The following SGMS2 variants were observed in gnomAD, a reference collection of about 807,000 sequenced individuals.
SGMS2 encodes phosphatidylcholine:ceramide cholinephosphotransferase 2.
Under a neutral mutation model 43.8 loss-of-function variants are expected in SGMS2, and 21 were observed. The ratio of observed to expected loss-of-function variants is 0.48; its 90% CI spans 0.34 to 0.69. The LOEUF is 0.69. SGMS2 is among the 30% of genes least tolerant of loss of function. The probability of loss-of-function intolerance (pLI) is 0.01; values close to 1 mark genes in which losing one functional copy is unlikely to be tolerated. For synonymous variants in SGMS2, 167 were observed against 160.6 expected (o/e 1.04, Z -0.30); for missense variants, 384 against 443.2 (o/e 0.87, Z 1.20).
At chr4:107,863,452 TGAA>T (rs1157364235) in intron 2 of SGMS2, 2 of 152,162 alleles carry the variant, frequency 1.3e-5, no homozygotes, top group African/African-American at 2.4e-5. Context: ...TGTGAAGGAA[TGAA>T]GAAGAAGAGA....
intron 2 of SGMS2, among the ~76,000 whole-genome samples, chr4:107,860,355 G>A (rs1280211385): frequency 6.6e-6 from 1 of 151,968 alleles, no homozygotes; most frequent in Non-Finnish European, 1.5e-5. Context: ...ACAACATTTG[G>A]GTTGTGGCCA....
chr4:107,898,400 A>G (rs1730848231), intron 3 of SGMS2, among the ~76,000 whole-genome samples: 1 of 152,186 alleles, frequency 6.6e-6, no homozygotes, highest in South Asian at 2.1e-4. Flanking sequence ...GATTCATGTC[A>G]GAACCACAAT....
intron 2 of SGMS2, among the ~76,000 whole-genome samples, chr4:107,864,969 C>A (rs929159411): frequency 6.6e-6 from 1 of 152,140 alleles, no homozygotes; most frequent in Non-Finnish European, 1.5e-5. Context: ...AATTTAAGTT[C>A]TCTATCTTTC....
At chr4:107,844,126 G>T (rs183131459) in intron 1 of SGMS2, among the ~76,000 whole-genome samples, 76 of 151,722 alleles carry the variant, frequency 5.0e-4, no homozygotes, top group Admixed American at 1.9e-3. Context: ...TTCGAGACTA[G>T]CCTGGCCAAC....
intron 1 of SGMS2, among the ~76,000 whole-genome samples, chr4:107,854,091 A>G (rs946382601): frequency 6.6e-6 from 1 of 152,238 alleles, no homozygotes; most frequent in African/African-American, 2.4e-5. Flanking sequence ...TTTTATCTGA[A>G]GAAAACATTG....
intron 2 of SGMS2, among the ~76,000 whole-genome samples, chr4:107,884,057 C>G (rs1729561959): frequency 6.6e-6 from 1 of 151,390 alleles, no homozygotes; most frequent in African/African-American, 2.4e-5. Flanking sequence ...TCTAATTTTT[C>G]TTGGCTAGAA....
intron 1 of SGMS2, among the ~76,000 whole-genome samples, chr4:107,828,961 T>G (rs934225886): frequency 1.3e-5 from 2 of 152,220 alleles, no homozygotes; most frequent in African/African-American, 4.8e-5. Flanking sequence ...GCCATGAAGC[T>G]AAATGTCTTT....
intron 1 of SGMS2, among the ~76,000 whole-genome samples, chr4:107,836,848 G>T (rs140937389): frequency 3.9e-5 from 6 of 152,258 alleles, no homozygotes; most frequent in African/African-American, 1.4e-4. Context: ...TAGAGAGACT[G>T]GGAGAGAGGA....
intron 2 of SGMS2, chr4:107,893,013 C>T (rs1431174183): frequency 2.0e-5 from 3 of 151,902 alleles, no homozygotes; most frequent in African/African-American, 7.3e-5. Context: ...TAATGAAATC[C>T]CAAGGAAAAT....
intron 2 of SGMS2, among the ~76,000 whole-genome samples, chr4:107,876,787 A>AT (rs980059274): frequency 1.3e-5 from 2 of 152,076 alleles, no homozygotes; most frequent in African/African-American, 4.8e-5. Context: ...AATCTAGGAA[A>AT]TTTTTTGTGG....
At chr4:107,907,327 A>G (rs1486954977) in intron 5 of SGMS2, 2 of 152,252 alleles carry the variant, frequency 1.3e-5, no homozygotes, top group Non-Finnish European at 1.5e-5. Flanking sequence ...AGTTCTGGAA[A>G]TGGGCTGGGC....
intron 2 of SGMS2, among the ~76,000 whole-genome samples, chr4:107,891,037 T>C (rs991558101): frequency 3.3e-4 from 51 of 152,272 alleles, no homozygotes; most frequent in African/African-American, 1.2e-3. Context: ...AGCAAAAAGG[T>C]GGCTTTGTTA....
intron 2 of SGMS2, among the ~76,000 whole-genome samples, chr4:107,884,089 A>AT (rs11400694): frequency 0.71 from 107,995 of 152,064 alleles, 39,140 homozygotes; most frequent in African/African-American, 0.84. Context: ...AATGTTTTCA[A>AT]TTTTTTCTTC....
At chr4:107,846,244 T>C (rs1726804615) in intron 1 of SGMS2, among the ~76,000 whole-genome samples, 1 of 139,048 alleles carries the variant, frequency 7.2e-6, no homozygotes, top group Admixed American at 7.1e-5. Flanking sequence ...GTATATCTCC[T>C]AATGCTAACC....
Position 107,903,390 on chromosome 4 carries a change from A to G in SGMS2, c.727+4A>G. 1.2e-6 allele frequency: 2 copies of G among 1,613,712 alleles called. No homozygotes were observed. The highest frequency in any genetic ancestry group is 1.7e-6 in the Non-Finnish European group (2 of 1,179,796). On this transcript the variant is annotated splice_donor_region_variant and intron_variant, in intron 5 of 6. Transcript: ENST00000690982. ...ACTTATTTGTTCATCAAAGAATGTA[A>G]GTAATAGCCCATTCCCACTGAACTG...
rs190608580 is a variant in SGMS2 at position 107,857,239 on chromosome 4, C to T, written c.-326-1233C>T. 1.7e-3 allele frequency among the ~76,000 whole-genome samples: 263 copies of T among 152,190 alleles called. 2 individuals are homozygous for T. Among genetic ancestry groups the T allele is most frequent in the Non-Finnish European group, 2.7e-3 (182 of 68,022 alleles). Reference sequence around the variant, plus strand: ...CCAATAATATTATATGGGTTTGCCACATTTTGTTTATCCATTTAATAGTTG... The same window carrying T: ...CCAATAATATTATATGGGTTTGCCATATTTTGTTTATCCATTTAATAGTTG... On this transcript the variant is annotated intron_variant, in intron 1 of 6. Coordinates refer to ENST00000690982, the MANE Select transcript of SGMS2 (RefSeq NM_001375905.1).
intron 1 of SGMS2, among the ~76,000 whole-genome samples, chr4:107,836,472 A>G (rs188270717): frequency 6.6e-6 from 1 of 152,328 alleles, no homozygotes; most frequent in African/African-American, 2.4e-5. Flanking sequence ...GTGAATATCA[A>G]TGCCATAAAA....
rs1048583773 is a variant in SGMS2 at position 107,914,449 on chromosome 4, A to G, written c.*3896A>G. 6.6e-6 allele frequency: 1 copy of G among 152,142 alleles called. No homozygotes were observed. The highest frequency in any genetic ancestry group is 1.5e-5 in the Non-Finnish European group (1 of 67,974). The allele number at this position is 152,142 out of a possible 1,614,324, so 9.4% of individuals were successfully genotyped here. Reference sequence around the variant, plus strand: ...CCTATGCAATGATTAATGCTGCAAAATGTATGGTTATGTTACCGTATATTC... The same window carrying G: ...CCTATGCAATGATTAATGCTGCAAAGTGTATGGTTATGTTACCGTATATTC... On this transcript the variant is annotated 3_prime_UTR_variant, in exon 7 of 7. Transcript: ENST00000690982.
intron 4 of SGMS2, among the ~76,000 whole-genome samples, chr4:107,901,670 C>T (rs1230049115): frequency 1.3e-5 from 2 of 152,308 alleles, no homozygotes; most frequent in East Asian, 3.9e-4. Context: ...GCTTCAACCT[C>T]CAACCCAAGT....
Sources: gnomAD v4.1 joint callset for allele counts (sites outside exome capture counted in the v4.1 genomes callset) on GRCh38, gnomAD v4.1.1 for gene constraint, MANE v1.5 for transcripts, NCBI Gene and HGNC (gene_info 2026-07-23, HGNC 2026-07-21) for gene names.